Variants in AFF1 observed in about 807,000 individuals in gnomAD.
AFF1 encodes ALF transcription elongation factor 1.
A neutral mutation model predicts 121.7 loss-of-function variants in AFF1; 48 were observed. The ratio of observed to expected loss-of-function variants is 0.39; its 90% CI spans 0.31 to 0.50. AFF1 has a LOEUF of 0.50. Ranked by LOEUF, AFF1 falls within the 20% of genes least tolerant of loss-of-function variation. AFF1 has a pLI of 0.76. For missense variants in AFF1, 1,523 were observed against 1,511.7 expected, an observed-to-expected ratio of 1.01 and a Z score of -0.12; for synonymous variants, 613 against 563.0, an observed-to-expected ratio of 1.09 and a Z score of -1.26.
At chr4:87,116,605 A>G (rs990121428) in intron 12 of AFF1, among the ~76,000 whole-genome samples, 2 of 152,244 alleles carry the variant, frequency 1.3e-5, no homozygotes, top group African/African-American at 4.8e-5. Context: ...TTGACTGATT[A>G]ATCCAGTGCG....
At position 87,138,970 on chromosome 4, in the gene AFF1, G is replaced by C. The variant is rs935986832; in HGVS notation, c.*3269G>C. The C allele has an allele frequency of 1.8e-5, 4 of 225,322 alleles. No homozygotes were observed. The highest frequency in any genetic ancestry group is 1.1e-4 in the Admixed American group (2 of 17,456). The allele number at this position is 225,322 out of a possible 1,614,324, so 14.0% of individuals were successfully genotyped here. On this transcript the variant is annotated 3_prime_UTR_variant, in exon 21 of 21. Coordinates refer to ENST00000395146, the MANE Select transcript of AFF1 (RefSeq NM_001166693.3). ...AGCTAAAACCCCCTACCCCTTTCTG[G>C]CTGAAAACTTGCCTTATTTGGTATC...
intron 2 of AFF1, among the ~76,000 whole-genome samples, chr4:86,969,878 T>TAAAAAAAAAAAAAAAAA (rs1255935904): frequency 1.8e-4 from 1 of 5,422 alleles, no homozygotes; most frequent in Non-Finnish European, 8.9e-4. Context: ...AGACTCCGTC[T>TAAAAAAAAAAAAAAAAA]CAAAAAAAAA....
Position 87,056,157 on chromosome 4 carries a change from G to A in AFF1, c.1059+8563G>A, listed in dbSNP as rs545672150. On this transcript the variant is annotated intron_variant, in intron 4 of 20. Coordinates refer to ENST00000395146, the MANE Select transcript of AFF1 (RefSeq NM_001166693.3). ...ATCTTCTTAATCCCTTTGGCTGAAG[G>A]GTTTTGAGGTTTAATGTTTTAATCT... Among the ~76,000 whole-genome samples the A allele has an allele frequency of 5.3e-5, 8 of 152,008 alleles. No individual in the cohort carries two copies. In the East Asian group the frequency reaches 1.5e-3, roughly 29 times the overall value.
intron 4 of AFF1, among the ~76,000 whole-genome samples, chr4:87,056,530 T>A (rs1033165435): frequency 1.3e-5 from 2 of 152,238 alleles, no homozygotes; most frequent in African/African-American, 4.8e-5. Context: ...CTTCCAACAT[T>A]TTTTCATGCT....
chr4:87,000,447 C>T (rs1725601111), intron 2 of AFF1, among the ~76,000 whole-genome samples: 1 of 152,106 alleles, frequency 6.6e-6, no homozygotes, highest in South Asian at 2.1e-4. Context: ...AAGTTTATTT[C>T]ATAGTAATAG....
At chr4:87,004,172 T>A (rs553628141) in intron 2 of AFF1, among the ~76,000 whole-genome samples, 278 of 152,222 alleles carry the variant, frequency 1.8e-3, no homozygotes, top group Non-Finnish European at 2.9e-3. Context: ...TTGCTAAAAC[T>A]GAATCTAGGT....
In AFF1 at chr4:87,114,346, T is replaced by C. The variant is rs1052289754; in HGVS notation, c.1534-21T>C. ...GTCATCAATGGTCAGTTAACACTTTTCTTTCTTTCCTTATTTTTAGCCTGA... is the reference window on the plus strand; with the variant it reads ...GTCATCAATGGTCAGTTAACACTTTCCTTTCTTTCCTTATTTTTAGCCTGA... On this transcript the variant is annotated intron_variant, in intron 11 of 20. Coordinates refer to ENST00000395146, the MANE Select transcript of AFF1 (RefSeq NM_001166693.3). 1.1e-5 allele frequency: 18 copies of C among 1,571,290 alleles called. No individual in the cohort carries two copies. The East Asian group carries it at 3.8e-4, about 33-fold the overall frequency.
At chr4:87,039,337 C>G (rs1308338883) in intron 2 of AFF1, among the ~76,000 whole-genome samples, 1 of 152,178 alleles carries the variant, frequency 6.6e-6, no homozygotes, top group Non-Finnish European at 1.5e-5. Flanking sequence ...CTGACAGGCC[C>G]CAGCATGGGG....
chr4:87,045,499 A>T (rs1021516567), intron 2 of AFF1, among the ~76,000 whole-genome samples: 10 of 151,130 alleles, frequency 6.6e-5, no homozygotes, highest in Non-Finnish European at 1.2e-4. Context: ...ATACATTTTT[A>T]TGTGTTTTAA....
intron 2 of AFF1, among the ~76,000 whole-genome samples, chr4:86,964,156 G>A (rs1050266890): frequency 3.5e-5 from 5 of 141,166 alleles, no homozygotes; most frequent in Admixed American, 7.4e-5. Flanking sequence ...ATGGAGTCTC[G>A]CCCCGTCACC....
At chr4:87,102,129 T>C (rs576071668) in intron 8 of AFF1, among the ~76,000 whole-genome samples, 1 of 152,362 alleles carries the variant, frequency 6.6e-6, no homozygotes, top group South Asian at 2.1e-4. Context: ...GCAAAAAGTT[T>C]ACCTAACCAA....
rs1246644276 is a variant in AFF1 at position 87,139,250 on chromosome 4, G to C, written c.*3549G>C. Reference sequence around the variant, plus strand: ...GCTTCAGGGATGCTACATGGCTCTTGCACCTTTTACTCCTCTGCTTTATGA... The same window carrying C: ...GCTTCAGGGATGCTACATGGCTCTTCCACCTTTTACTCCTCTGCTTTATGA... On this transcript the variant is annotated 3_prime_UTR_variant, in exon 21 of 21. Transcript: ENST00000395146. 4.3e-6 allele frequency: 1 copy of C among 232,474 alleles called. No individual in the cohort carries two copies. The highest frequency in any genetic ancestry group is 8.5e-6 in the Non-Finnish European group (1 of 117,644). The allele number at this position is 232,474 out of a possible 1,614,324, so 14.4% of individuals were successfully genotyped here.
chr4:87,086,046 A>G (rs1316457730), intron 5 of AFF1, among the ~76,000 whole-genome samples: 1 of 152,174 alleles, frequency 6.6e-6, no homozygotes, highest in Non-Finnish European at 1.5e-5. Context: ...GCTGAGAAAC[A>G]TACTTTGAAC....
intron 12 of AFF1, among the ~76,000 whole-genome samples, chr4:87,119,075 G>A (rs1727410974): frequency 6.6e-6 from 1 of 151,966 alleles, no homozygotes; most frequent in Non-Finnish European, 1.5e-5. Context: ...ATCCAGTCAG[G>A]GTGGGTGGGC....
intron 2 of AFF1, among the ~76,000 whole-genome samples, chr4:86,999,565 C>T (rs1290093423): frequency 6.6e-6 from 1 of 152,140 alleles, no homozygotes; most frequent in Non-Finnish European, 1.5e-5. Flanking sequence ...TTTGGGGCAT[C>T]TAGAACAAAT....
chr4:87,005,557 G>A (rs1251221682), intron 2 of AFF1, among the ~76,000 whole-genome samples: 1 of 151,934 alleles, frequency 6.6e-6, no homozygotes, highest in Non-Finnish European at 1.5e-5. Context: ...AATAACTACA[G>A]TTTGTGAATT....
intron 1 of AFF1, among the ~76,000 whole-genome samples, chr4:86,945,319 CTTTTT>C (rs72025655): frequency 2.7e-5 from 3 of 111,692 alleles, no homozygotes; most frequent in Non-Finnish European, 5.1e-5. Context: ...TTTTCTTTTC[CTTTTT>C]TTTTTTTTTT....
At chr4:87,022,564 ATATATATATATATATATATCTATC>A (rs1379853531) in intron 2 of AFF1, among the ~76,000 whole-genome samples, 3 of 36,432 alleles carry the variant, frequency 8.2e-5, no homozygotes, top group East Asian at 7.5e-4. Context: ...ATATATATAT[ATATATATATATATATATATCTATC>A]TATATCTATC....
At chr4:87,017,724 CTAAGT>C (rs993132557) in intron 2 of AFF1, among the ~76,000 whole-genome samples, 1 of 152,304 alleles carries the variant, frequency 6.6e-6, no homozygotes, top group African/African-American at 2.4e-5. Context: ...GATAAGTTAT[CTAAGT>C]GAAGCGTCTG....
Sources: gnomAD v4.1 joint callset for allele counts (sites outside exome capture counted in the v4.1 genomes callset) on GRCh38, gnomAD v4.1.1 for gene constraint, MANE v1.5 for transcripts, NCBI Gene and HGNC (gene_info 2026-07-23, HGNC 2026-07-21) for gene names.